The following VAPA variants were observed in gnomAD, a reference collection of about 807,000 sequenced individuals.
VAPA encodes the protein VAMP associated protein A, also known as vesicle-associated membrane protein-associated protein A.
A neutral mutation model predicts 25.6 loss-of-function variants in VAPA; 6 were observed. The observed-to-expected ratio is 0.23, with a 90% CI of 0.13 to 0.46. The LOEUF is 0.46. Among genes scored for constraint, VAPA ranks in the 20% least tolerant of loss-of-function variants. The pLI is 0.99. For missense variants in VAPA, 244 were observed against 302.1 expected (o/e 0.81, Z 1.43); for synonymous variants, 112 against 106.2 (o/e 1.05, Z -0.34).
rs746734101 is a variant in VAPA, at chr18:9,950,476, C to G, written c.499C>G (p.Leu167Val). The G allele has an allele frequency of 4.3e-6, 7 of 1,614,082 alleles. No individual in the cohort carries two copies. The Admixed American group carries it at 1.2e-4, about 27-fold the overall frequency. ...GPMPKPHSVS[L>V]NDTETRKLME... ...TATGCCAAAACCACACAGTGTTTCA[C>G]TTAATGATACCGAAACAAGGAAACT... Residue 167 changes from leucine (L) to valine (V), a missense_variant, in exon 5 of 6, where the codon CTT becomes GTT. By Grantham distance (32) the Leu-to-Val change is conservative. This residue lies in a region of VAPA where 145 missense variants were observed against 140.6 expected (regional missense o/e 1.03). Coordinates refer to ENST00000400000, the MANE Select transcript of VAPA (RefSeq NM_194434.3).
intron 1 of VAPA, among the ~76,000 whole-genome samples, chr18:9,925,386 G>A (rs973893277): frequency 2.6e-5 from 4 of 152,004 alleles, no homozygotes; most frequent in African/African-American, 9.7e-5. Context: ...TTAATCTCAG[G>A]ATCCATACTT....
chr18:9,928,356 T>G (rs1279276359), intron 1 of VAPA, among the ~76,000 whole-genome samples: 1 of 152,150 alleles, frequency 6.6e-6, no homozygotes, highest in African/African-American at 2.4e-5. Flanking sequence ...TTATCAAAAG[T>G]TAAATACTCA....
chr18:9,930,803 C>G (rs1425230500), intron 1 of VAPA, among the ~76,000 whole-genome samples: 1 of 151,730 alleles, frequency 6.6e-6, no homozygotes, highest in Non-Finnish European at 1.5e-5. Context: ...ATTTTTATCT[C>G]CTTCCTCTCA....
chr18:9,938,565 C>T (rs952393945), intron 4 of VAPA, among the ~76,000 whole-genome samples: 2 of 152,190 alleles, frequency 1.3e-5, no homozygotes, highest in African/African-American at 4.8e-5. Context: ...CCAGAATCCC[C>T]TGCGGTGGAA....
rs146298523 is a variant in VAPA, at chr18:9,940,751, G to A, written c.417+3685G>A. 4.8e-3 allele frequency among the ~76,000 whole-genome samples: 725 copies of A among 152,198 alleles called. 3 individuals are homozygous for A. Among genetic ancestry groups the A allele is most frequent in the African/African-American group, 0.017 (692 of 41,506 alleles). On this transcript the variant is annotated intron_variant, in intron 4 of 5. Coordinates refer to ENST00000400000, the MANE Select transcript of VAPA (RefSeq NM_194434.3). ...ATGACTTTGATGGCTCACTGGCCTC[G>A]TCATTATGATTTTTGATGGATGTTT...
chr18:9,918,765 T>G (rs1208295429), intron 1 of VAPA, among the ~76,000 whole-genome samples: 1 of 152,250 alleles, frequency 6.6e-6, no homozygotes, highest in Non-Finnish European at 1.5e-5. Flanking sequence ...TTAATTCACA[T>G]TTTACCGTCA....
At chr18:9,922,876 TTAA>T (rs1169929522) in intron 1 of VAPA, among the ~76,000 whole-genome samples, 1 of 152,258 alleles carries the variant, frequency 6.6e-6, no homozygotes, top group Non-Finnish European at 1.5e-5. Context: ...ATGGGTTTTT[TTAA>T]TAATAAAATA....
intron 1 of VAPA, among the ~76,000 whole-genome samples, chr18:9,922,312 A>G (rs1406832465): frequency 1.3e-5 from 2 of 152,104 alleles, no homozygotes; most frequent in African/African-American, 2.4e-5. Context: ...ATAGCATAAC[A>G]TTTCATCCCT....
chr18:9,936,879 C>T lies in VAPA; in HGVS notation c.337-107C>T, dbSNP rs148044994. ...CAATAAAGAGTGCACCAGTGTGTTTCAGCCAAGCCAGGCAGCTTCACTCAT... is the reference window on the plus strand; with the variant it reads ...CAATAAAGAGTGCACCAGTGTGTTTTAGCCAAGCCAGGCAGCTTCACTCAT... On this transcript the variant is annotated intron_variant, in intron 3 of 5. Coordinates refer to ENST00000400000, the MANE Select transcript of VAPA (RefSeq NM_194434.3). 1,649 of 864,790 alleles carry T rather than the reference C, an allele frequency of 1.9e-3. 31 individuals carry two copies. The East Asian group carries it at 0.039, about 20-fold the overall frequency. The allele number at this position is 864,790 out of a possible 1,614,324, so 53.6% of individuals were successfully genotyped here.
chr18:9,929,448 G>A (rs906769129), intron 1 of VAPA, among the ~76,000 whole-genome samples: 1 of 152,098 alleles, frequency 6.6e-6, no homozygotes, highest in Non-Finnish European at 1.5e-5. Flanking sequence ...CTGGCGGGGT[G>A]GGGGTACATG....
intron 1 of VAPA, among the ~76,000 whole-genome samples, chr18:9,921,534 CATG>C (rs1226226908): frequency 2.6e-5 from 4 of 152,140 alleles, no homozygotes; most frequent in African/African-American, 9.7e-5. Context: ...ATACATATAA[CATG>C]ATGTTATGGG....
chr18:9,929,396 C>T (rs2069230550), intron 1 of VAPA, among the ~76,000 whole-genome samples: 1 of 151,996 alleles, frequency 6.6e-6, no homozygotes, highest in South Asian at 2.1e-4. Context: ...TTTTGAAGAT[C>T]TTAAGGTAGA....
At chr18:9,950,723 T>C (rs1567903015) in intron 5 of VAPA, 155 bp downstream of exon 5, 1 of 677,574 alleles carries the variant, frequency 1.5e-6, no homozygotes, top group African/African-American at 1.8e-5. Flanking sequence ...ACTCCTCTTT[T>C]AACAGTCTTC....
intron 1 of VAPA, among the ~76,000 whole-genome samples, chr18:9,918,624 C>T (rs2069132254): frequency 6.6e-6 from 1 of 152,162 alleles, no homozygotes; most frequent in Admixed American, 6.5e-5. Context: ...CTCAAATGCT[C>T]ATGTTTCTGA....
At chr18:9,929,381 C>G (rs556972504) in intron 1 of VAPA, among the ~76,000 whole-genome samples, 1 of 152,186 alleles carries the variant, frequency 6.6e-6, no homozygotes, top group African/African-American at 2.4e-5. Flanking sequence ...AATATAACTT[C>G]TCTTTTTTGA....
chr18:9,923,265 TG>T, intron 1 of VAPA, among the ~76,000 whole-genome samples: 1 of 150,698 alleles, frequency 6.6e-6, no homozygotes, highest in South Asian at 2.1e-4. Flanking sequence ...TTTAAGGAAA[TG>T]ATTAGATTGA....
At position 9,944,693 on chromosome 18, in the gene VAPA, T is replaced by C. The variant is rs74387975; in HGVS notation, c.418-5702T>C. On this transcript the variant is annotated intron_variant, in intron 4 of 5. Coordinates refer to ENST00000400000, the MANE Select transcript of VAPA (RefSeq NM_194434.3). ...AGTATGTACATTTAATAGGTGCATGTAATGCAAGTAGATTATAACTAATTT... is the reference window on the plus strand; with the variant it reads ...AGTATGTACATTTAATAGGTGCATGCAATGCAAGTAGATTATAACTAATTT... Among the ~76,000 whole-genome samples, 508 of 152,378 alleles carry C rather than the reference T, an allele frequency of 3.3e-3. 4 individuals carry two copies. The highest frequency in any genetic ancestry group is 0.012 in the African/African-American group (484 of 41,592).
chr18:9,938,099 T>C (rs79142063), intron 4 of VAPA, among the ~76,000 whole-genome samples: 3,647 of 152,294 alleles, frequency 0.024, 54 homozygotes, highest in Middle Eastern at 0.071. Flanking sequence ...TTGGAGGTTT[T>C]CTTTTTTGCT....
chr18:9,925,477 AT>A (rs758549198), intron 1 of VAPA, among the ~76,000 whole-genome samples: 4 of 151,812 alleles, frequency 2.6e-5, no homozygotes, highest in Admixed American at 1.3e-4. Flanking sequence ...ACTAAGACTC[AT>A]TTTTTTTCCC....
Sources: allele counts gnomAD v4.1 joint callset (sites outside exome capture counted in the v4.1 genomes callset), GRCh38; gene constraint gnomAD v4.1.1; regional missense constraint gnomAD v4.1.1; transcripts MANE v1.5; gene names NCBI Gene and HGNC (gene_info 2026-07-23, HGNC 2026-07-21).